The following MUC12 variants were observed in gnomAD, a reference collection of about 807,000 sequenced individuals.
MUC12 encodes the protein mucin 12, cell surface associated, also known as mucin-12.
MUC12 carries 172 observed loss-of-function variants against 230.8 expected under a neutral mutation model. The observed-to-expected ratio is 0.75, with a 90% CI of 0.66 to 0.85. The LOEUF (loss-of-function observed/expected upper bound fraction) is 0.85, where lower values mean the gene tolerates loss of function less well. MUC12 is among the 40% of genes least tolerant of loss of function. MUC12 has a pLI of 0.00. For missense variants in MUC12, 3,506 were observed against 5,920.6 expected, an observed-to-expected ratio of 0.59 and a Z score of 13.38; for synonymous variants, 1,259 against 2,401.9, an observed-to-expected ratio of 0.52 and a Z score of 13.91.
chr7:100,973,047 G>A (rs1221869784), intron 1 of MUC12: 3 of 667,476 alleles, frequency 4.5e-6, no homozygotes, highest in Non-Finnish European at 8.1e-6. Context: ...TGGTGCTGGT[G>A]CATTTGTGGA....
chr7:101,013,164 G>A, intron 8 of MUC12, 22 bp downstream of exon 8: 1 of 1,536,916 alleles, frequency 6.5e-7, no homozygotes, highest in Non-Finnish European at 8.7e-7. Flanking sequence ...CATAAGCCCA[G>A]CACCCACTCT....
intron 11 of MUC12, 129 bp downstream of exon 11, chr7:101,017,792 G>A: frequency 1.8e-6 from 1 of 552,732 alleles, no homozygotes; most frequent in Non-Finnish European, 2.9e-6. Context: ...CCTTCCCCCT[G>A]GGACCCCTTC....
In MUC12 at chr7:101,004,358, G is replaced by T. The variant is rs1470131036; in HGVS notation, c.13795G>T (p.Val4599Phe). The change falls in exon 2 of 12, where the codon GTT becomes TTT. Residue 4599 changes from valine to phenylalanine, a missense_variant. Physicochemically the swap from Val to Phe is conservative, Grantham distance 50. Coordinates refer to ENST00000536621, the MANE Select transcript of MUC12 (RefSeq NM_001164462.2). ...SPARSTTSGL[V>F]EESTAYHSSP... ...TGCCCGCTCCACAACCTCAGGCCTC[G>T]TTGAAGAATCTACGGCGTACCACAG... 2.2e-5 allele frequency: 31 copies of T among 1,411,858 alleles called. No homozygotes were observed. The highest frequency in any genetic ancestry group is 4.6e-5 in the Admixed American group (2 of 43,768). The allele number at this position is 1,411,858 out of a possible 1,614,324, so 87.5% of individuals were successfully genotyped here.
Position 101,017,626 on chromosome 7 carries a change from T to C in MUC12, c.15929T>C (p.Phe5310Ser). The C allele has an allele frequency of 6.5e-7, 1 of 1,535,878 alleles. No individual in the cohort carries two copies. The highest frequency in any genetic ancestry group is 8.7e-7 in the Non-Finnish European group (1 of 1,146,134). ...RFGLENAYNN[F>S]RPTLETVDSG... Reference sequence around the variant, plus strand: ...GGCCTTGAGAACGCCTACAACAACTTCCGGCCCACCCTGGAGACTGTTGAC... The same window carrying C: ...GGCCTTGAGAACGCCTACAACAACTCCCGGCCCACCCTGGAGACTGTTGAC... Residue 5310 changes from phenylalanine to serine, a missense_variant, in exon 11 of 12, where the codon TTC (phenylalanine) becomes TCC (serine). By Grantham distance (155) the Phe-to-Ser change is radical. Transcript: ENST00000536621.
Position 100,991,691 on chromosome 7 carries a change from C to T in MUC12, c.1128C>T (p.Ser376=). Reference sequence around the variant, plus strand: ...CTCAAACAATGCACTTCCCTGAAAGCTCCACAACTTCAGGCCATAGTGAAG... The same window carrying T: ...CTCAAACAATGCACTTCCCTGAAAGTTCCACAACTTCAGGCCATAGTGAAG... ...GSTQTMHFPE[S]STTSGHSEES... The change falls in exon 2 of 12, where the codon AGC becomes AGT. Residue 376 remains serine (S), a synonymous_variant. Coordinates refer to ENST00000536621, the MANE Select transcript of MUC12 (RefSeq NM_001164462.2). The T allele has an allele frequency of 6.5e-7, 1 of 1,537,850 alleles. No homozygotes were observed.
intron 1 of MUC12, among the ~76,000 whole-genome samples, chr7:100,979,037 T>C (rs1793068701): frequency 6.6e-6 from 1 of 152,182 alleles, no homozygotes; most frequent in South Asian, 2.1e-4. Flanking sequence ...CTTGAACTCC[T>C]GGCCTCAAGC....
Position 100,992,590 on chromosome 7 carries a change from G to C in MUC12, c.2027G>C (p.Arg676Pro). Residue 676 changes from arginine to proline, a missense_variant, in exon 2 of 12, where the codon CGC becomes CCC. Arg to Pro is a moderately radical substitution (Grantham distance 103). Coordinates refer to ENST00000536621, the MANE Select transcript of MUC12 (RefSeq NM_001164462.2). ...ATTCCAACAACCCACATTTCTGCCCGCTCCACAACCTCAGGCCTCGTTGAA... is the reference window on the plus strand; with the variant it reads ...ATTCCAACAACCCACATTTCTGCCCCCTCCACAACCTCAGGCCTCGTTGAA... ...SSIPTTHISA[R>P]STTSGLVEES... 6.5e-7 allele frequency: 1 copy of C among 1,537,820 alleles called. No homozygotes were observed. Among genetic ancestry groups the C allele is most frequent in the Non-Finnish European group, 8.7e-7 (1 of 1,147,000 alleles).
chr7:101,016,401 G>C (rs994915034), intron 10 of MUC12, among the ~76,000 whole-genome samples: 4 of 152,110 alleles, frequency 2.6e-5, no homozygotes, highest in Non-Finnish European at 5.9e-5. Context: ...CTGTCTCCCA[G>C]GTTCAAGCGA....
intron 1 of MUC12, among the ~76,000 whole-genome samples, chr7:100,979,916 C>T (rs1384404843): frequency 6.6e-6 from 1 of 151,566 alleles, no homozygotes; most frequent in African/African-American, 2.4e-5. Flanking sequence ...TCTGTAGCCC[C>T]AGTACTCAGG....
intron 9 of MUC12, 61 bp from the exon 10 acceptor site, chr7:101,015,554 G>A (rs1349200419): frequency 7.0e-7 from 1 of 1,429,678 alleles, no homozygotes; most frequent in Non-Finnish European, 9.5e-7. Context: ...GAAGGTCAGG[G>A]TCCACCAAGT....
chr7:101,012,670 A>C, intron 6 of MUC12, 149 bp from the exon 7 acceptor site: 1 of 1,001,232 alleles, frequency 1.0e-6, no homozygotes, highest in Non-Finnish European at 1.5e-6. Flanking sequence ...GCCTCCTCAC[A>C]AGCCCAGCTG....
Position 101,001,201 on chromosome 7 carries a change from A to G in MUC12, c.10638A>G (p.Glu3546=). 1.1e-6 allele frequency: 1 copy of G among 939,336 alleles called. No individual in the cohort carries two copies. Among genetic ancestry groups the G allele is most frequent in the South Asian group, 1.7e-5 (1 of 58,318 alleles). The allele number at this position is 939,336 out of a possible 1,614,324, so 58.2% of individuals were successfully genotyped here. A position where few individuals can be genotyped will look rare whatever the true frequency, so the allele number is the denominator to read the frequency against. The change falls in exon 2 of 12, where the codon GAA becomes GAG. Residue 3546 remains glutamate, a synonymous_variant. Transcript: ENST00000536621. ...CCACCACCTCAGGCTCCAGTCAGGA[A>G]TCAACAACTTCCCACAGCAGCTCAG... The part of the protein sequence containing the change: ...ASTTTSGSSQ[E]STTSHSSSGS...
At chr7:100,980,640 G>A (rs1793091651) in intron 1 of MUC12, among the ~76,000 whole-genome samples, 1 of 152,132 alleles carries the variant, frequency 6.6e-6, no homozygotes, top group South Asian at 2.1e-4. Context: ...AATGATATCA[G>A]CAGCTGGGTG....
At chr7:101,018,452 TCCCTAGGACTCCCTCCCTCC>T (rs1793990975) in intron 11 of MUC12, 123 bp from the exon 12 acceptor site, 4 of 23,694 alleles carry the variant, frequency 1.7e-4, no homozygotes, top group South Asian at 6.6e-4. Flanking sequence ...CTCCCTCCTC[TCCCTAGGACTCCCTCCCTCC>T]CCCTGGGACT....
chr7:101,012,248 T>A, intron 5 of MUC12, 48 bp from the exon 6 acceptor site: 6 of 1,530,034 alleles, frequency 3.9e-6, no homozygotes, highest in Non-Finnish European at 5.3e-6. Flanking sequence ...CTCCACTTGC[T>A]GGCTGGGTGG....
Position 101,005,069 on chromosome 7 carries a change from G to A in MUC12, c.14506G>A (p.Val4836Met). The change falls in exon 2 of 12, where the codon GTG (valine) becomes ATG (methionine). Residue 4836 changes from valine (V) to methionine (M), a missense_variant. Val to Met is a conservative substitution (Grantham distance 21, BLOSUM62 1). Transcript: ENST00000536621. ...HSQPGSALST[V>M]SPASTTVPGL... ...CCAACCAGGCTCAGCTCTGTCAACA[G>A]TGTCACCTGCCAGCACCACAGTGCC... 1 of 1,537,678 alleles carries A rather than the reference G, an allele frequency of 6.5e-7. No homozygotes were observed. Among genetic ancestry groups the A allele is most frequent in the South Asian group, 1.2e-5 (1 of 84,054 alleles).
chr7:101,002,948 A>G lies in MUC12; in HGVS notation c.12385A>G (p.Ser4129Gly). The change falls in exon 2 of 12, where the codon AGT becomes GGT. Residue 4129 changes from serine to glycine, a missense_variant. Physicochemically the swap from Ser to Gly is moderately conservative, Grantham distance 56. Transcript: ENST00000536621. ...TGCCAGTTCCACAACCTTGGGCCGT[A>G]GTGAGGAATCAACAACAGTCCACAG... is the stretch of plus-strand genomic sequence containing the variant. ...FSASSTTLGR[S>G]EESTTVHSSP... 1 of 1,251,456 alleles carries G rather than the reference A, an allele frequency of 8.0e-7. No individual in the cohort carries two copies. The highest frequency in any genetic ancestry group is 1.3e-5 in the South Asian group (1 of 74,886). The allele number at this position is 1,251,456 out of a possible 1,614,324, so 77.5% of individuals were successfully genotyped here. A position where few individuals can be genotyped will look rare whatever the true frequency, so the allele number is the denominator to read the frequency against.
chr7:100,987,872 G>A (rs1793217794), intron 1 of MUC12, among the ~76,000 whole-genome samples: 2 of 151,930 alleles, frequency 1.3e-5, no homozygotes, highest in Admixed American at 1.3e-4. Context: ...TTGGGAGGCT[G>A]AGGCAGGAGA....
chr7:101,012,186 C>A, intron 5 of MUC12, 110 bp from the exon 6 acceptor site: 1 of 1,219,832 alleles, frequency 8.2e-7, no homozygotes, highest in Non-Finnish European at 1.1e-6. Context: ...TTCTTTCTCA[C>A]CTCTGGGTCA....
Sources: gnomAD v4.1 joint callset for allele counts (sites outside exome capture counted in the v4.1 genomes callset) on GRCh38, gnomAD v4.1.1 for gene constraint, MANE v1.5 for transcripts, NCBI Gene and HGNC (gene_info 2026-07-23, HGNC 2026-07-21) for gene names.